Variants in HSP90B1 observed in about 807,000 individuals in gnomAD.
HSP90B1 encodes the protein heat shock protein 90 beta family member 1, also known as endoplasmin.
In HSP90B1, 27 loss-of-function variants were observed where a neutral mutation model predicts 100.4. The observed-to-expected ratio is 0.27, with a 90% CI of 0.20 to 0.37. The LOEUF (loss-of-function observed/expected upper bound fraction) is 0.37, where lower values mean the gene tolerates loss of function less well. Among genes scored for constraint, HSP90B1 ranks in the 10% least tolerant of loss-of-function variants. The probability of loss-of-function intolerance (pLI) is 1.00; values close to 1 mark genes in which losing one functional copy is unlikely to be tolerated. For synonymous variants in HSP90B1, 304 were observed against 330.8 expected (o/e 0.92, Z 0.88); for missense variants, 678 against 960.5 (o/e 0.71, Z 3.89).
intron 2 of HSP90B1, chr12:103,931,836 C>T (rs1269398559): frequency 5.1e-6 from 3 of 592,848 alleles, no homozygotes; most frequent in Non-Finnish European, 9.5e-6. Context: ...TTGCAGAATA[C>T]TAGCACCATA....
intron 16 of HSP90B1, 128 bp downstream of exon 16, chr12:103,947,069 T>C (rs957854394): frequency 1.3e-5 from 15 of 1,149,684 alleles, no homozygotes; most frequent in Non-Finnish European, 1.8e-5. Flanking sequence ...TTTGAAAGAA[T>C]TTTATTGAAT....
At chr12:103,944,438 C>T (rs953961028) in intron 14 of HSP90B1, among the ~76,000 whole-genome samples, 2 of 152,174 alleles carry the variant, frequency 1.3e-5, no homozygotes, top group Non-Finnish European at 2.9e-5. Flanking sequence ...TTTAATGTCA[C>T]AGCAATGATC....
At position 103,943,482 on chromosome 12, in the gene HSP90B1, A is replaced by G; in HGVS notation, c.1890+163A>G. On this transcript the variant is annotated intron_variant, in intron 13 of 17. Coordinates refer to ENST00000299767, the MANE Select transcript of HSP90B1 (RefSeq NM_003299.3). This position sits in a 1 kb window ranked among gnomAD's most constrained non-coding sequence, Gnocchi z 5.3. ...TGGGAGAAAGCTTAAAACTTTCGACAATACTGCTTTGTTAATAACTTGTTA... is the reference window on the plus strand; with the variant it reads ...TGGGAGAAAGCTTAAAACTTTCGACGATACTGCTTTGTTAATAACTTGTTA... The G allele has an allele frequency of 2.7e-6, 2 of 736,840 alleles. No individual in the cohort carries two copies. 45.6% of individuals were successfully genotyped at this position (736,840 alleles called of 1,614,324 possible).
intron 11 of HSP90B1, 69 bp from the exon 12 acceptor site, chr12:103,942,458 C>A: frequency 1.4e-6 from 2 of 1,441,848 alleles, no homozygotes; most frequent in South Asian, 1.2e-5. Context: ...ACACTCCTGC[C>A]TGGGTACCTT....
Position 103,930,501 on chromosome 12 carries a change from C to T in HSP90B1, c.-15C>T, listed in dbSNP as rs201473633. 6.2e-7 allele frequency: 1 copy of T among 1,602,538 alleles called. No homozygotes were observed. Among genetic ancestry groups the T allele is most frequent in the East Asian group, 2.3e-5 (1 of 43,490 alleles). On this transcript the variant is annotated 5_prime_UTR_variant, in exon 1 of 18. Transcript: ENST00000299767. The surrounding 1 kb of genome is among the most constrained non-coding windows in gnomAD (Gnocchi z 4.4). ...CTGCGATCGAAGGGGACTTGAGACT[C>T]ACCGGCCGCACGCCATGAGGGCCCT...
chr12:103,942,203 C>A (rs188059066), intron 11 of HSP90B1, among the ~76,000 whole-genome samples: 3 of 152,192 alleles, frequency 2.0e-5, no homozygotes, highest in Admixed American at 6.5e-5. Context: ...TCCAATACTT[C>A]CATAATTAGA....
At chr12:103,931,247 A>G (rs1869749546) in intron 1 of HSP90B1, among the ~76,000 whole-genome samples, 1 of 152,158 alleles carries the variant, frequency 6.6e-6, no homozygotes, top group South Asian at 2.1e-4. Flanking sequence ...GCCTGGTATC[A>G]GTCTGCTTAA....
At chr12:103,931,681 G>T in intron 2 of HSP90B1, 58 bp downstream of exon 2, 1 of 1,211,578 alleles carries the variant, frequency 8.3e-7, no homozygotes, top group Non-Finnish European at 1.2e-6. Flanking sequence ...TGTGAGTTAC[G>T]GTCACTTCTT....
intron 12 of HSP90B1, 111 bp downstream of exon 12, chr12:103,942,907 T>A: frequency 7.0e-7 from 1 of 1,437,612 alleles, no homozygotes; most frequent in African/African-American, 1.4e-5. Context: ...GGAGTAGTTA[T>A]AAGGCCTGGT....
At chr12:103,939,970 C>T (rs1039150798) in intron 8 of HSP90B1, among the ~76,000 whole-genome samples, 2 of 152,202 alleles carry the variant, frequency 1.3e-5, no homozygotes, top group African/African-American at 4.8e-5. Flanking sequence ...AAAATTAGTC[C>T]TAGCTCTTAG....
intron 8 of HSP90B1, among the ~76,000 whole-genome samples, chr12:103,940,397 C>T (rs1870041087): frequency 6.6e-6 from 1 of 151,844 alleles, no homozygotes; most frequent in South Asian, 2.1e-4. Flanking sequence ...GCAAAACTAG[C>T]ATTGATAAAG....
At chr12:103,939,801 G>C (rs970290851) in intron 8 of HSP90B1, among the ~76,000 whole-genome samples, 176 bp downstream of exon 8, 2 of 152,136 alleles carry the variant, frequency 1.3e-5, no homozygotes, top group Non-Finnish European at 2.9e-5. Flanking sequence ...TCTACTTCTG[G>C]TTTATTGACC....
At chr12:103,944,003 GACA>G in intron 14 of HSP90B1, 129 bp downstream of exon 14, 1 of 755,602 alleles carries the variant, frequency 1.3e-6, no homozygotes, top group Non-Finnish European at 2.0e-6. Flanking sequence ...CTATAAGGTA[GACA>G]ACAAGTTTAC....
Position 103,942,780 on chromosome 12 carries a change from G to A in HSP90B1, c.1628G>A (p.Gly543Glu). The change falls in exon 12 of 18, where the codon GGG (glycine) becomes GAG (glutamate). Residue 543 changes from glycine (G) to glutamate (E), a missense_variant. Physicochemically the swap from Gly to Glu is moderately conservative, Grantham distance 98. Coordinates refer to ENST00000299767, the MANE Select transcript of HSP90B1 (RefSeq NM_003299.3). ...EKQDKIYFMA[G>E]SSRKEAESSP... ...CAAGACAAAATCTACTTCATGGCTGGGTCCAGCAGAAAAGAGGTGAGATGA... is the reference window on the plus strand; with the variant it reads ...CAAGACAAAATCTACTTCATGGCTGAGTCCAGCAGAAAAGAGGTGAGATGA... 6.2e-7 allele frequency: 1 copy of A among 1,613,810 alleles called. No homozygotes were observed. Among genetic ancestry groups the A allele is most frequent in the Non-Finnish European group, 8.5e-7 (1 of 1,179,796 alleles).
chr12:103,947,355 C>T lies in HSP90B1; in HGVS notation c.2307C>T (p.Asp769=), dbSNP rs1870266791. ...PEEEPEETAE[D]TTEDTEQDED... is the part of the protein sequence containing the mutation. ...AAGAACCTGAAGAGACAGCAGAAGA[C>T]ACAACAGAAGACACAGAGCAAGACG... Residue 769 remains aspartate (D), a synonymous_variant, in exon 17 of 18, where the codon GAC becomes GAT. Coordinates refer to ENST00000299767, the MANE Select transcript of HSP90B1 (RefSeq NM_003299.3). The T allele has an allele frequency of 1.2e-6, 2 of 1,605,574 alleles. No homozygotes were observed. The highest frequency in any genetic ancestry group is 1.3e-5 in the African/African-American group (1 of 74,506).
In HSP90B1 at chr12:103,938,374, A is replaced by C. The variant is rs781283473; in HGVS notation, c.890A>C (p.Glu297Ala). ...GTTGAGGAGCCCATGGAGGAAGAAG[A>C]AGCAGCCAAAGAAGAGAAAGAAGAA... ...ETVEEPMEEE[E>A]AAKEEKEESD... The change falls in exon 7 of 18, where the codon GAA (glutamate) becomes GCA (alanine). Residue 297 changes from glutamate to alanine, a missense_variant. This residue lies in a region of HSP90B1 where 238 missense variants were observed against 346.7 expected (regional missense o/e 0.69). Coordinates refer to ENST00000299767, the MANE Select transcript of HSP90B1 (RefSeq NM_003299.3). The C allele has an allele frequency of 2.3e-5, 36 of 1,568,534 alleles. No individual in the cohort carries two copies. In the Middle Eastern group the frequency reaches 5.2e-4, roughly 23 times the overall value.
intron 4 of HSP90B1, among the ~76,000 whole-genome samples, chr12:103,933,250 T>C (rs1416320526): frequency 6.6e-6 from 1 of 152,242 alleles, no homozygotes; most frequent in Non-Finnish European, 1.5e-5. Flanking sequence ...TGTGGCCCTT[T>C]ACAGAAAAAG....
intron 4 of HSP90B1, among the ~76,000 whole-genome samples, chr12:103,933,544 G>T (rs1869826088): frequency 6.6e-6 from 1 of 152,246 alleles, no homozygotes; most frequent in Non-Finnish European, 1.5e-5. Context: ...TAAGTTTCTG[G>T]AAGGCAGACA....
At chr12:103,945,347 C>T (rs766304966) in intron 14 of HSP90B1, among the ~76,000 whole-genome samples, 3 of 152,070 alleles carry the variant, frequency 2.0e-5, no homozygotes, top group Non-Finnish European at 4.4e-5. Context: ...AGTCATAATC[C>T]GAGCCCTACA....
Sources: allele counts gnomAD v4.1 joint callset (sites outside exome capture counted in the v4.1 genomes callset), GRCh38; gene constraint gnomAD v4.1.1; regional missense constraint gnomAD v4.1.1; non-coding constraint Gnocchi (gnomAD v3.1); transcripts MANE v1.5; gene names NCBI Gene and HGNC (gene_info 2026-07-23, HGNC 2026-07-21).